KAZN: variants seen among roughly 807,000 people sequenced by gnomAD.
KAZN encodes the protein kazrin, periplakin interacting protein.
A neutral mutation model predicts 87.4 loss-of-function variants in KAZN; 40 were observed. The observed-to-expected ratio is 0.46, with a 90% CI of 0.36 to 0.60. KAZN has a LOEUF of 0.60. Among genes scored for constraint, KAZN ranks in the 20% least tolerant of loss-of-function variants. The probability of loss-of-function intolerance (pLI) is 0.00; values close to 1 mark genes in which losing one functional copy is unlikely to be tolerated. For synonymous variants in KAZN, 466 were observed against 458.3 expected, an observed-to-expected ratio of 1.02 and a Z score of -0.22; for missense variants, 898 against 1,073.9, an observed-to-expected ratio of 0.84 and a Z score of 2.29.
At chr1:14,991,246 C>T (rs1288492814) in intron 2 of KAZN, among the ~76,000 whole-genome samples, 3 of 151,914 alleles carry the variant, frequency 2.0e-5, no homozygotes, top group Non-Finnish European at 2.9e-5. Flanking sequence ...CCCAGATACT[C>T]GGGGAGGCTG....
intron 1 of KAZN, among the ~76,000 whole-genome samples, chr1:13,981,089 T>TCTCTCTCTCTATATATATATATATATATA (rs1553181094): frequency 3.2e-5 from 2 of 63,136 alleles, no homozygotes; most frequent in Non-Finnish European, 6.8e-5. Context: ...AAATTACTCT[T>TCTCTCTCTCTATATATATATATATATATA]TATATATATA....
chr1:14,483,551 C>G (rs1187802485), intron 2 of KAZN, among the ~76,000 whole-genome samples: 1 of 152,126 alleles, frequency 6.6e-6, no homozygotes, highest in Non-Finnish European at 1.5e-5. Context: ...TATTCTGAGC[C>G]AATATGAGTG....
chr1:14,430,213 CAA>C (rs35741487), intron 2 of KAZN, among the ~76,000 whole-genome samples: 67 of 105,716 alleles, frequency 6.3e-4, no homozygotes, highest in Admixed American at 1.3e-3. Context: ...GCCCTGCAAC[CAA>C]AAAAAAAAAA....
intron 2 of KAZN, among the ~76,000 whole-genome samples, chr1:14,973,533 AT>A (rs928703798): frequency 2.0e-5 from 3 of 151,430 alleles, no homozygotes; most frequent in East Asian, 1.9e-4. Context: ...TGAACATTTG[AT>A]TTTTTTTTAG....
intron 1 of KAZN, among the ~76,000 whole-genome samples, chr1:14,040,118 G>T (rs957648993): frequency 6.6e-6 from 1 of 150,550 alleles, no homozygotes; most frequent in Non-Finnish European, 1.5e-5. Context: ...AGAGAGAGAG[G>T]TTTTTTTTCT....
intron 1 of KAZN, among the ~76,000 whole-genome samples, chr1:14,816,350 A>C (rs1196464535): frequency 3.3e-5 from 5 of 152,244 alleles, no homozygotes; most frequent in Non-Finnish European, 7.4e-5. Flanking sequence ...CTGTGTTCTC[A>C]TCTGGAGGCT....
At chr1:14,784,610 T>C in intron 1 of KAZN, among the ~76,000 whole-genome samples, 1 of 152,096 alleles carries the variant, frequency 6.6e-6, no homozygotes, top group Non-Finnish European at 1.5e-5. Context: ...AATACAAAAA[T>C]TAGCCAAGCG....
intron 2 of KAZN, among the ~76,000 whole-genome samples, chr1:14,200,193 C>T (rs1464424703): frequency 6.6e-6 from 1 of 151,958 alleles, no homozygotes; most frequent in Admixed American, 6.5e-5. Context: ...TTGAGCTCAT[C>T]CCTAGAGTAA....
At chr1:14,169,613 G>C (rs1429839971) in intron 1 of KAZN, among the ~76,000 whole-genome samples, 1 of 152,158 alleles carries the variant, frequency 6.6e-6, no homozygotes, top group Non-Finnish European at 1.5e-5. Flanking sequence ...CCCGAGGACT[G>C]TCCCCTGCAG....
chr1:15,032,905 C>T (rs982140745), intron 2 of KAZN, among the ~76,000 whole-genome samples: 1 of 151,260 alleles, frequency 6.6e-6, no homozygotes, highest in Non-Finnish European at 1.5e-5. Context: ...GCCGAAATCG[C>T]GGCACTGTAC....
intron 4 of KAZN, among the ~76,000 whole-genome samples, chr1:15,049,200 C>T (rs540594667): frequency 6.6e-6 from 1 of 152,336 alleles, no homozygotes; most frequent in Non-Finnish European, 1.5e-5. Context: ...CCTCCCTAGT[C>T]ACATGTGGGG....
rs546191539 is a variant in KAZN, at chr1:14,813,757, T to C, written c.227-146927T>C. Among the ~76,000 whole-genome samples the C allele has an allele frequency of 9.2e-5, 14 of 152,344 alleles. No individual in the cohort carries two copies. The East Asian group carries it at 2.7e-3, about 29-fold the overall frequency. Reference sequence around the variant, plus strand: ...GTGGACATTTTGGAATGTATTTCCATATGTTCTAGAATGGCTTGTCATGCA... The same window carrying C: ...GTGGACATTTTGGAATGTATTTCCACATGTTCTAGAATGGCTTGTCATGCA... On this transcript the variant is annotated intron_variant, in intron 1 of 14. Coordinates refer to ENST00000376030, the MANE Select transcript of KAZN (RefSeq NM_201628.3).
intron 2 of KAZN, among the ~76,000 whole-genome samples, chr1:14,517,240 G>T (rs867053775): frequency 6.6e-6 from 1 of 152,096 alleles, no homozygotes. Flanking sequence ...CTTTTTCTGT[G>T]GGAATCGTGA....
chr1:14,514,600 T>TGAA, intron 2 of KAZN, among the ~76,000 whole-genome samples: 2 of 30,594 alleles, frequency 6.5e-5, no homozygotes, highest in South Asian at 8.0e-4. Flanking sequence ...ATATTTTATA[T>TGAA]ATATATATAT....
At chr1:14,303,055 A>AT (rs1436328902) in intron 2 of KAZN, among the ~76,000 whole-genome samples, 3 of 152,108 alleles carry the variant, frequency 2.0e-5, no homozygotes, top group South Asian at 4.1e-4. Context: ...TTGAAGGTAC[A>AT]TTTTTCTTCA....
At chr1:14,169,415 A>G (rs1645902494) in intron 1 of KAZN, among the ~76,000 whole-genome samples, 1 of 151,950 alleles carries the variant, frequency 6.6e-6, no homozygotes, top group African/African-American at 2.4e-5. Context: ...TTTCCATGTT[A>G]TATGTCCAGC....
chr1:15,094,927 G>T lies in KAZN; in HGVS notation c.1541G>T (p.Gly514Val). Residue 514 changes from glycine to valine, a missense_variant, in exon 10 of 15, where the codon GGC becomes GTC. Gly to Val is a moderately radical substitution (Grantham distance 109, BLOSUM62 -3). Around this residue, in one of 3 missense-constraint regions of KAZN, gnomAD observed 521 missense variants for 689.4 expected, o/e 0.76. Transcript: ENST00000376030. The surrounding 1 kb of genome is among the most constrained non-coding windows in gnomAD (Gnocchi z 4.5). ...AIEDYRDAEA[G>V]RSLSKAAELD... ...GAGGACTACCGTGATGCCGAGGCAG[G>T]CCGCAGGTGAGCCCACCACGAGGGG... 1 of 1,549,194 alleles carries T rather than the reference G, an allele frequency of 6.5e-7. No homozygotes were observed. Among genetic ancestry groups the T allele is most frequent in the South Asian group, 1.2e-5 (1 of 83,988 alleles).
intron 1 of KAZN, among the ~76,000 whole-genome samples, chr1:14,131,740 T>TA (rs1294413498): frequency 6.6e-6 from 1 of 152,062 alleles, no homozygotes; most frequent in Non-Finnish European, 1.5e-5. Flanking sequence ...AGATTCCAGG[T>TA]AAAGTAGGGT....
intron 1 of KAZN, among the ~76,000 whole-genome samples, chr1:14,877,639 G>A (rs962590197): frequency 2.0e-5 from 3 of 152,154 alleles, no homozygotes; most frequent in Admixed American, 2.0e-4. Context: ...TATTAGTTTG[G>A]TCACCTAGGA....
Sources: gnomAD v4.1 joint callset for allele counts (sites outside exome capture counted in the v4.1 genomes callset) on GRCh38, gnomAD v4.1.1 for gene constraint, gnomAD v4.1.1 regional missense constraint, Gnocchi (gnomAD v3.1) non-coding constraint, MANE v1.5 for transcripts, NCBI Gene and HGNC (gene_info 2026-07-23, HGNC 2026-07-21) for gene names.